Variants in COP1 observed in about 807,000 individuals in gnomAD.
COP1 encodes the protein E3 ubiquitin-protein ligase COP1.
Under a neutral mutation model 101.3 loss-of-function variants are expected in COP1, and 24 were observed. The ratio of observed to expected loss-of-function variants is 0.24; its 90% CI spans 0.17 to 0.33. The LOEUF (loss-of-function observed/expected upper bound fraction) is 0.33, where lower values mean the gene tolerates loss of function less well. Ranked by LOEUF, COP1 falls within the 10% of genes least tolerant of loss-of-function variation. The pLI is 1.00. For missense variants in COP1, 663 were observed against 906.2 expected (o/e 0.73, Z 3.45); for synonymous variants, 347 against 341.9 (o/e 1.01, Z -0.17).
chr1:176,046,062 C>T, intron 12 of COP1, 119 bp downstream of exon 12: 1 of 743,092 alleles, frequency 1.3e-6, no homozygotes, highest in Non-Finnish European at 2.2e-6. Context: ...ATACATAGTA[C>T]AATAATAGTG....
At chr1:176,190,148 A>G (rs962942810) in intron 1 of COP1, among the ~76,000 whole-genome samples, 1 of 152,146 alleles carries the variant, frequency 6.6e-6, no homozygotes, top group Non-Finnish European at 1.5e-5. Flanking sequence ...AAAATGGTTG[A>G]GACCAGAAGT....
intron 3 of COP1, among the ~76,000 whole-genome samples, 176 bp from the exon 4 acceptor site, chr1:176,164,067 T>G (rs1442598968): frequency 6.6e-6 from 1 of 152,236 alleles, no homozygotes; most frequent in African/African-American, 2.4e-5. Context: ...ACAGTTTTGC[T>G]GCAGCTGCTA....
intron 11 of COP1, 149 bp from the exon 12 acceptor site, chr1:176,046,473 CAAATTA>C (rs1671538181): frequency 1.4e-6 from 1 of 700,944 alleles, no homozygotes; most frequent in East Asian, 2.9e-5. Context: ...CAACACATAT[CAAATTA>C]AAAGTTGTTG....
intron 9 of COP1, among the ~76,000 whole-genome samples, chr1:176,112,522 T>C (rs766164099): frequency 4.6e-5 from 7 of 152,212 alleles, no homozygotes; most frequent in Admixed American, 2.6e-4. Context: ...TTAGGGTAAC[T>C]GGTATTTCTA....
chr1:176,110,669 CAA>C (rs773036722), intron 9 of COP1, among the ~76,000 whole-genome samples: 1 of 152,080 alleles, frequency 6.6e-6, no homozygotes, highest in Non-Finnish European at 1.5e-5. Flanking sequence ...AACAAAACAA[CAA>C]AAAAAGATGA....
intron 18 of COP1, among the ~76,000 whole-genome samples, chr1:175,949,168 C>CAAA (rs56280543): frequency 2.5e-4 from 11 of 43,162 alleles, no homozygotes; most frequent in African/African-American, 5.1e-4. Flanking sequence ...GGCTCCGTCT[C>CAAA]AAAAAAAAAA....
intron 15 of COP1, among the ~76,000 whole-genome samples, chr1:175,996,870 A>C (rs1348982028): frequency 5.5e-4 from 83 of 152,142 alleles, no homozygotes; most frequent in Non-Finnish European, 9.7e-4. Context: ...GCTACCAATG[A>C]CTTTCTTCAC....
At position 175,960,251 on chromosome 1, in the gene COP1, G is replaced by T. The variant is rs575199219; in HGVS notation, c.2134-13012C>A. ...GATTAAATGTCTTTGGAGTCTGAAA[G>T]ATTTCAATTCAAAGCTCTAACGCTT... is the stretch of plus-strand genomic sequence containing the variant. On this transcript the variant is annotated intron_variant, in intron 18 of 19. Coordinates refer to ENST00000367669, the MANE Select transcript of COP1 (RefSeq NM_022457.7). Among the ~76,000 whole-genome samples the T allele has an allele frequency of 8.5e-5, 13 of 152,292 alleles. No homozygotes were observed. The South Asian group carries it at 2.5e-3, about 29-fold the overall frequency.
At chr1:176,155,033 A>G (rs1693232519) in intron 5 of COP1, among the ~76,000 whole-genome samples, 1 of 152,200 alleles carries the variant, frequency 6.6e-6, no homozygotes, top group African/African-American at 2.4e-5. Flanking sequence ...ACAAAAAGTG[A>G]CAACAGTTCA....
chr1:176,018,157 C>T (rs1047560784), intron 15 of COP1, among the ~76,000 whole-genome samples: 1 of 152,030 alleles, frequency 6.6e-6, no homozygotes, highest in Non-Finnish European at 1.5e-5. Flanking sequence ...TATTATTTAC[C>T]CTTTACTTTG....
intron 8 of COP1, among the ~76,000 whole-genome samples, chr1:176,127,613 GTA>G (rs1301337539): frequency 1.4e-3 from 122 of 87,438 alleles, no homozygotes; most frequent in African/African-American, 3.8e-3. Context: ...GTGTGTGTGT[GTA>G]TATATATATA....
intron 18 of COP1, among the ~76,000 whole-genome samples, chr1:175,977,327 T>C (rs1654819967): frequency 6.6e-6 from 1 of 152,158 alleles, no homozygotes; most frequent in South Asian, 2.1e-4. Context: ...AGAATATATA[T>C]TTTCATCCCA....
chr1:176,042,730 CAAAAAAA>C (rs35637870), intron 14 of COP1, among the ~76,000 whole-genome samples: 1 of 49,654 alleles, frequency 2.0e-5, no homozygotes, highest in Non-Finnish European at 3.7e-5. Context: ...AACTCTATCT[CAAAAAAA>C]AAAAAAAAAA....
At chr1:176,083,234 C>T (rs1220019013) in intron 10 of COP1, among the ~76,000 whole-genome samples, 2 of 152,138 alleles carry the variant, frequency 1.3e-5, no homozygotes, top group Non-Finnish European at 2.9e-5. Context: ...AATTTAAAAA[C>T]TGTTTCAATG....
At chr1:176,071,719 T>C (rs934543821) in intron 11 of COP1, among the ~76,000 whole-genome samples, 2 of 152,326 alleles carry the variant, frequency 1.3e-5, no homozygotes, top group Non-Finnish European at 2.9e-5. Flanking sequence ...AGATCTTCCT[T>C]ATATTAACCT....
chr1:176,041,707 G>A (rs961031026), intron 14 of COP1, among the ~76,000 whole-genome samples: 1 of 151,970 alleles, frequency 6.6e-6, no homozygotes, highest in African/African-American at 2.4e-5. Flanking sequence ...GGCTCACACC[G>A]GTAATTCCAG....
rs533648591 is a variant in COP1 at position 176,003,595 on chromosome 1, T to G, written c.1730-14116A>C. On this transcript the variant is annotated intron_variant, in intron 15 of 19. Coordinates refer to ENST00000367669, the MANE Select transcript of COP1 (RefSeq NM_022457.7). ...GCTAGCCAGTTTTCCCAGCACCATT[T>G]ATTAAATAGGGAATCCTTTCCCCAT... Among the ~76,000 whole-genome samples, 394 of 152,070 alleles carry G rather than the reference T, an allele frequency of 2.6e-3. 3 individuals are homozygous for G. Among genetic ancestry groups the G allele is most frequent in the African/African-American group, 9.1e-3 (376 of 41,494 alleles).
In COP1 at chr1:175,947,192, T is replaced by C. The variant is rs377729729; in HGVS notation, c.2178+3A>G. 1.1e-4 allele frequency: 168 copies of C among 1,599,402 alleles called. No individual in the cohort carries two copies. The highest frequency in any genetic ancestry group is 1.5e-4 in the Admixed American group (9 of 59,918). On this transcript the variant is annotated splice_donor_region_variant and intron_variant, in intron 19 of 19. Coordinates refer to ENST00000367669, the MANE Select transcript of COP1 (RefSeq NM_022457.7). ...TAAAATGGAGATATAGTAAATAGCT[T>C]ACCTTAATTGTACCCTGACTGTTAG... is the stretch of plus-strand genomic sequence containing the variant.
At chr1:176,123,812 C>A (rs925755475) in intron 8 of COP1, among the ~76,000 whole-genome samples, 1 of 152,160 alleles carries the variant, frequency 6.6e-6, no homozygotes, top group African/African-American at 2.4e-5. Context: ...GGAAAATAAG[C>A]ATGTCAGATT....
Sources: allele counts gnomAD v4.1 joint callset (sites outside exome capture counted in the v4.1 genomes callset), GRCh38; gene constraint gnomAD v4.1.1; transcripts MANE v1.5; gene names NCBI Gene and HGNC (gene_info 2026-07-23, HGNC 2026-07-21).